The following SLC38A6 variants were observed in gnomAD, a reference collection of about 807,000 sequenced individuals.
The protein encoded by SLC38A6 is N system amino acid transporter NAT-1.
Under a neutral mutation model 65.0 loss-of-function variants are expected in SLC38A6, and 73 were observed. That is an observed-to-expected ratio of 1.12 (90% CI 0.93 to 1.37). SLC38A6 has a LOEUF of 1.37. SLC38A6 is among the 40% of genes most tolerant of loss of function. The pLI is 0.00. For missense variants in SLC38A6, 561 were observed against 531.1 expected (o/e 1.06, Z -0.55); for synonymous variants, 183 against 178.8 (o/e 1.02, Z -0.19).
At chr14:61,040,481 AG>A (rs1479660438) in intron 8 of SLC38A6, among the ~76,000 whole-genome samples, 1 of 151,844 alleles carries the variant, frequency 6.6e-6, no homozygotes, top group Non-Finnish European at 1.5e-5. Context: ...CTGGAACCAT[AG>A]GCACCCGCCA....
At chr14:60,994,075 G>A (rs192613345) in intron 3 of SLC38A6, among the ~76,000 whole-genome samples, 39 of 152,266 alleles carry the variant, frequency 2.6e-4, no homozygotes, top group East Asian at 1.9e-4. Flanking sequence ...TCCATCAGTA[G>A]TGCTCCTTGG....
chr14:61,043,617 A>G (rs1026974782), intron 10 of SLC38A6, 114 bp downstream of exon 10: 12 of 675,510 alleles, frequency 1.8e-5, no homozygotes, highest in South Asian at 5.0e-5. Context: ...AATTTTCATG[A>G]AAGTGCTAAG....
intron 15 of SLC38A6, among the ~76,000 whole-genome samples, chr14:61,063,244 A>G (rs1005491104): frequency 5.9e-5 from 9 of 152,028 alleles, no homozygotes; most frequent in African/African-American, 2.2e-4. Flanking sequence ...ATTTAGAGGG[A>G]TTTTGCCCTC....
intron 3 of SLC38A6, among the ~76,000 whole-genome samples, chr14:60,996,753 A>G (rs1168714165): frequency 1.3e-5 from 2 of 152,034 alleles, no homozygotes; most frequent in Non-Finnish European, 2.9e-5. Flanking sequence ...CAAACAACAC[A>G]AAAAAAATTC....
At chr14:61,037,752 A>T in intron 8 of SLC38A6, 69 bp downstream of exon 8, 1 of 1,049,272 alleles carries the variant, frequency 9.5e-7, no homozygotes, top group South Asian at 1.6e-5. Context: ...AGTCTTTTTT[A>T]CTTTTAACTG....
chr14:60,986,518 C>CT (rs1366447722), intron 3 of SLC38A6, among the ~76,000 whole-genome samples: 7 of 152,184 alleles, frequency 4.6e-5, no homozygotes, highest in African/African-American at 1.7e-4. Context: ...CGCCTTTGCT[C>CT]TCAAGGGGCT....
At chr14:61,062,495 GC>G (rs1352794155) in intron 15 of SLC38A6, among the ~76,000 whole-genome samples, 1 of 147,746 alleles carries the variant, frequency 6.8e-6, no homozygotes, top group Non-Finnish European at 1.5e-5. Context: ...ACTCTCTTTT[GC>G]CTTTTTTTTT....
rs549130582 is a variant in SLC38A6, at chr14:61,013,703, A to T, written c.311-2201A>T. Among the ~76,000 whole-genome samples the T allele has an allele frequency of 3.3e-5, 5 of 152,308 alleles. No individual in the cohort carries two copies. The East Asian group carries it at 7.7e-4, about 23-fold the overall frequency. ...AAAATTCTTTTCTTTAAGAATGTTG[A>T]ATATTGGCCCCCAATGTCTTCTGGC... On this transcript the variant is annotated intron_variant, in intron 3 of 15. Transcript: ENST00000267488.
intron 16 of SLC38A6, among the ~76,000 whole-genome samples, chr14:61,079,514 A>G (rs1422767979): frequency 1.3e-5 from 2 of 151,680 alleles, no homozygotes; most frequent in Non-Finnish European, 2.9e-5. Context: ...CTCCCTCAAA[A>G]CCTGTTTCCA....
chr14:61,066,008 A>G (rs573658414), intron 15 of SLC38A6, among the ~76,000 whole-genome samples: 1 of 152,304 alleles, frequency 6.6e-6, no homozygotes, highest in East Asian at 1.9e-4. Flanking sequence ...TTGGCATGTT[A>G]ACAGCTCTCT....
At chr14:61,039,064 A>G (rs1271229269) in intron 8 of SLC38A6, among the ~76,000 whole-genome samples, 4 of 152,238 alleles carry the variant, frequency 2.6e-5, no homozygotes, top group South Asian at 2.1e-4. Context: ...TGGCAATGCA[A>G]TCATTGCATA....
chr14:61,005,866 C>A (rs573299172), intron 3 of SLC38A6, among the ~76,000 whole-genome samples: 1 of 152,252 alleles, frequency 6.6e-6, no homozygotes, highest in East Asian at 1.9e-4. Context: ...GCCCGCATTG[C>A]CAAGTCAATC....
chr14:60,982,455 A>G (rs2037129853), intron 1 of SLC38A6, 53 bp from the exon 2 acceptor site: 1 of 1,578,870 alleles, frequency 6.3e-7, no homozygotes, highest in Non-Finnish European at 8.6e-7. Context: ...TCTTTACGAA[A>G]TTTTAACTTC....
At chr14:61,011,824 G>A in intron 3 of SLC38A6, among the ~76,000 whole-genome samples, 1 of 152,166 alleles carries the variant, frequency 6.6e-6, no homozygotes, top group East Asian at 1.9e-4. Context: ...GTTCATCAGG[G>A]ATATTGGTCT....
intron 12 of SLC38A6, 59 bp downstream of exon 12, chr14:61,046,226 C>A: frequency 9.0e-7 from 1 of 1,116,510 alleles, no homozygotes; most frequent in Non-Finnish European, 1.3e-6. Flanking sequence ...GGCCTCACGC[C>A]AATCTATAGA....
chr14:61,072,693 T>A (rs1322152148), intron 15 of SLC38A6, among the ~76,000 whole-genome samples: 1 of 152,206 alleles, frequency 6.6e-6, no homozygotes. Context: ...ATCCATGTTG[T>A]TGCAAATGAA....
chr14:61,075,318 C>A (rs2043363179), intron 15 of SLC38A6, among the ~76,000 whole-genome samples: 1 of 152,122 alleles, frequency 6.6e-6, no homozygotes, highest in Non-Finnish European at 1.5e-5. Flanking sequence ...TCACATGGGA[C>A]AGAACACATA....
intron 5 of SLC38A6, among the ~76,000 whole-genome samples, 176 bp from the exon 6 acceptor site, chr14:61,030,269 G>C (rs1301360584): frequency 3.3e-5 from 4 of 122,476 alleles, no homozygotes; most frequent in South Asian, 2.3e-4. Flanking sequence ...TTTTCTGTGT[G>C]TGTGTGTGTG....
intron 6 of SLC38A6, among the ~76,000 whole-genome samples, chr14:61,033,178 A>G (rs1325915062): frequency 1.3e-5 from 2 of 152,138 alleles, no homozygotes; most frequent in South Asian, 2.1e-4. Flanking sequence ...TACATAATTG[A>G]TATGGGATGT....
Sources: gnomAD v4.1 joint callset for allele counts (sites outside exome capture counted in the v4.1 genomes callset) on GRCh38, gnomAD v4.1.1 for gene constraint, MANE v1.5 for transcripts, NCBI Gene and HGNC (gene_info 2026-07-23, HGNC 2026-07-21) for gene names.